Variants in PDE7B observed in about 807,000 individuals in gnomAD.
PDE7B encodes 3',5'-cyclic-AMP phosphodiesterase 7B.
A neutral mutation model predicts 56.2 loss-of-function variants in PDE7B; 29 were observed. The observed-to-expected ratio is 0.52, with a 90% CI of 0.38 to 0.70. PDE7B has a LOEUF of 0.70. PDE7B is among the 30% of genes least tolerant of loss of function. The pLI, the probability that PDE7B is intolerant of heterozygous loss-of-function variation, is 0.00. For missense variants in PDE7B, 490 were observed against 565.0 expected, an observed-to-expected ratio of 0.87 and a Z score of 1.35; for synonymous variants, 197 against 196.9, an observed-to-expected ratio of 1.00 and a Z score of 0.00.
chr6:135,864,540 G>A lies in PDE7B; in HGVS notation c.21+12521G>A, dbSNP rs536390927. ...ATTGTATTGTCTTATCACTTTTATT[G>A]TTTCTGTTGATAAGTCAGAAAATAG... On this transcript the variant is annotated intron_variant, in intron 1 of 12. Transcript: ENST00000308191. 2.6e-5 allele frequency among the ~76,000 whole-genome samples: 4 copies of A among 151,906 alleles called. No individual in the cohort carries two copies. In the East Asian group the frequency reaches 7.7e-4, roughly 29 times the overall value.
rs1779294452 is a variant in PDE7B at position 136,195,128 on chromosome 6, C to A, written c.*3288C>A. 6.6e-6 allele frequency: 1 copy of A among 152,134 alleles called. No homozygotes were observed. The allele number at this position is 152,134 out of a possible 1,614,324, so 9.4% of individuals were successfully genotyped here. A position where few individuals can be genotyped will look rare whatever the true frequency, so the allele number is the denominator to read the frequency against. On this transcript the variant is annotated 3_prime_UTR_variant, in exon 13 of 13. Transcript: ENST00000308191. Reference sequence around the variant, plus strand: ...GGCCTGATAGGAAAAATCTGCTCTTCCTTTTAATAACAGTGATGAATTGTC... The same window carrying A: ...GGCCTGATAGGAAAAATCTGCTCTTACTTTTAATAACAGTGATGAATTGTC...
intron 1 of PDE7B, among the ~76,000 whole-genome samples, chr6:135,870,753 G>T (rs183129696): frequency 6.6e-6 from 1 of 151,952 alleles, no homozygotes; most frequent in East Asian, 1.9e-4. Context: ...TCAGAAGAGA[G>T]ATGAAAACTG....
intron 12 of PDE7B, among the ~76,000 whole-genome samples, chr6:136,188,737 G>A (rs751367268): frequency 3.3e-5 from 5 of 152,176 alleles, no homozygotes; most frequent in Non-Finnish European, 7.4e-5. Flanking sequence ...CTGATTTTCA[G>A]CTCAGGAAAA....
chr6:135,991,352 T>C (rs551946523), intron 2 of PDE7B, among the ~76,000 whole-genome samples: 67 of 152,328 alleles, frequency 4.4e-4, no homozygotes, highest in African/African-American at 1.6e-3. Flanking sequence ...ATTAGGTTGA[T>C]TGGTCCTTCC....
intron 2 of PDE7B, among the ~76,000 whole-genome samples, chr6:135,954,749 A>G (rs954240606): frequency 1.3e-5 from 2 of 152,178 alleles, no homozygotes; most frequent in African/African-American, 4.8e-5. Context: ...CTTGAGGGTT[A>G]TGGTTTAAAA....
intron 3 of PDE7B, among the ~76,000 whole-genome samples, chr6:136,124,110 A>C (rs1168348887): frequency 2.6e-5 from 4 of 152,144 alleles, no homozygotes; most frequent in Non-Finnish European, 2.9e-5. Flanking sequence ...AAGAAAATGA[A>C]TACTTATACT....
At chr6:136,056,840 CT>C (rs1360347476) in intron 2 of PDE7B, among the ~76,000 whole-genome samples, 3 of 151,906 alleles carry the variant, frequency 2.0e-5, no homozygotes, top group Non-Finnish European at 4.4e-5. Flanking sequence ...CCGACTCCAT[CT>C]TTTTTATGTT....
At chr6:135,942,566 T>C (rs912849192) in intron 1 of PDE7B, among the ~76,000 whole-genome samples, 1 of 152,184 alleles carries the variant, frequency 6.6e-6, no homozygotes, top group African/African-American at 2.4e-5. Flanking sequence ...AGTTGCCGTG[T>C]TGTACAATAG....
intron 1 of PDE7B, among the ~76,000 whole-genome samples, chr6:135,889,357 T>C (rs1020346303): frequency 6.6e-6 from 1 of 151,906 alleles, no homozygotes; most frequent in Non-Finnish European, 1.5e-5. Context: ...CCCAGGCTTC[T>C]GACCTCAAGT....
intron 12 of PDE7B, among the ~76,000 whole-genome samples, chr6:136,188,006 A>G (rs1779167774): frequency 6.6e-6 from 1 of 152,202 alleles, no homozygotes; most frequent in African/African-American, 2.4e-5. Context: ...ACGCATTCAC[A>G]GTGCTACAGA....
intron 3 of PDE7B, among the ~76,000 whole-genome samples, chr6:136,122,654 G>GGTTACACATT (rs1777956908): frequency 6.6e-6 from 1 of 152,062 alleles, no homozygotes; most frequent in Non-Finnish European, 1.5e-5. Context: ...AAAATTAGCT[G>GGTTACACATT]GTATCTATTG....
Position 135,866,543 on chromosome 6 carries a change from T to A in PDE7B, c.21+14524T>A, listed in dbSNP as rs141670439. On this transcript the variant is annotated intron_variant, in intron 1 of 12. Transcript: ENST00000308191. Reference sequence around the variant, plus strand: ...GATCTTAGGTCAAAGAACTACTTGTTACAGATTCTGCCTTTCATCAGTAGC... The same window carrying A: ...GATCTTAGGTCAAAGAACTACTTGTAACAGATTCTGCCTTTCATCAGTAGC... Among the ~76,000 whole-genome samples the A allele has an allele frequency of 5.8e-3, 889 of 152,328 alleles. 6 individuals carry two copies. The highest frequency in any genetic ancestry group is 0.018 in the South Asian group (86 of 4,826).
At chr6:136,082,148 G>A (rs747149835) in intron 2 of PDE7B, among the ~76,000 whole-genome samples, 4 of 152,172 alleles carry the variant, frequency 2.6e-5, no homozygotes, top group African/African-American at 4.8e-5. Flanking sequence ...TGACGCATCC[G>A]TAATGTGGAA....
chr6:135,985,869 C>A lies in PDE7B; in HGVS notation c.82+38345C>A, dbSNP rs936626993. Among the ~76,000 whole-genome samples, 7 of 152,164 alleles carry A rather than the reference C, an allele frequency of 4.6e-5. 1 individual carries two copies. The highest frequency in any genetic ancestry group is 1.0e-4 in the Non-Finnish European group (7 of 68,034). ...TGGCCGTATACAGTGCCACTGAGACCTTGACAACGTGTTTTCTGTCTCCAG... is the reference window on the plus strand; with the variant it reads ...TGGCCGTATACAGTGCCACTGAGACATTGACAACGTGTTTTCTGTCTCCAG... On this transcript the variant is annotated intron_variant, in intron 2 of 12. Coordinates refer to ENST00000308191, the MANE Select transcript of PDE7B (RefSeq NM_018945.4).
intron 3 of PDE7B, among the ~76,000 whole-genome samples, chr6:136,121,091 C>T (rs188060494): frequency 5.9e-5 from 9 of 152,204 alleles, no homozygotes; most frequent in African/African-American, 9.7e-5. Flanking sequence ...CCCTGTCCCT[C>T]GGTGTCTGGG....
chr6:135,908,868 A>G lies in PDE7B; in HGVS notation c.22-38596A>G, dbSNP rs146543375. Reference sequence around the variant, plus strand: ...AATGGTCAAAAAAACACCAGCATCAAGTAGAAAAGTCTGTTATAGTATGAA... The same window carrying G: ...AATGGTCAAAAAAACACCAGCATCAGGTAGAAAAGTCTGTTATAGTATGAA... On this transcript the variant is annotated intron_variant, in intron 1 of 12. Transcript: ENST00000308191. 6.1e-3 allele frequency among the ~76,000 whole-genome samples: 927 copies of G among 152,348 alleles called. 11 individuals are homozygous for G. Among genetic ancestry groups the G allele is most frequent in the Non-Finnish European group, 5.4e-3 (366 of 68,030 alleles).
At chr6:136,113,889 A>G (rs925647535) in intron 3 of PDE7B, among the ~76,000 whole-genome samples, 1 of 152,186 alleles carries the variant, frequency 6.6e-6, no homozygotes, top group Non-Finnish European at 1.5e-5. Flanking sequence ...GATAATGACT[A>G]GGTTGAGATG....
At chr6:136,084,999 G>A (rs971191011) in intron 2 of PDE7B, among the ~76,000 whole-genome samples, 3 of 151,880 alleles carry the variant, frequency 2.0e-5, no homozygotes, top group Non-Finnish European at 1.5e-5. Flanking sequence ...TCTAGGTCTC[G>A]ACTCCTAGCC....
At chr6:135,912,301 C>A (rs988859583) in intron 1 of PDE7B, among the ~76,000 whole-genome samples, 2 of 152,014 alleles carry the variant, frequency 1.3e-5, no homozygotes, top group East Asian at 3.9e-4. Context: ...AAAAATACAA[C>A]AATAAAAAAA....
Sources: allele counts gnomAD v4.1 joint callset (sites outside exome capture counted in the v4.1 genomes callset), GRCh38; gene constraint gnomAD v4.1.1; transcripts MANE v1.5; gene names NCBI Gene and HGNC (gene_info 2026-07-23, HGNC 2026-07-21).